MINPP1: variants seen among roughly 807,000 people sequenced by gnomAD.
MINPP1 encodes the protein multiple inositol-polyphosphate phosphatase 1, also known as multiple inositol polyphosphate phosphatase 1.
In MINPP1, 28 loss-of-function variants were observed where a neutral mutation model predicts 46.1. The ratio of observed to expected loss-of-function variants is 0.61; its 90% CI spans 0.45 to 0.83. The LOEUF is 0.83. Ranked by LOEUF, MINPP1 falls within the 40% of genes least tolerant of loss-of-function variation. The pLI, the probability that MINPP1 is intolerant of heterozygous loss-of-function variation, is 0.00. For synonymous variants in MINPP1, 268 were observed against 249.1 expected (o/e 1.08, Z -0.72); for missense variants, 603 against 610.0 (o/e 0.99, Z 0.12).
chr10:87,551,584 T>C (rs1851963250), intron 4 of MINPP1, among the ~76,000 whole-genome samples: 1 of 152,134 alleles, frequency 6.6e-6, no homozygotes, highest in Non-Finnish European at 1.5e-5. Context: ...CATTAAGGAT[T>C]ACATGAATTA....
intron 3 of MINPP1, among the ~76,000 whole-genome samples, chr10:87,518,608 T>A (rs1339467740): frequency 2.0e-5 from 3 of 151,966 alleles, no homozygotes; most frequent in African/African-American, 7.2e-5. Context: ...AGATTTGACA[T>A]TGTCTACCTG....
chr10:87,511,299 A>G (rs937848162), intron 2 of MINPP1, among the ~76,000 whole-genome samples: 3 of 152,274 alleles, frequency 2.0e-5, no homozygotes, highest in Non-Finnish European at 4.4e-5. Context: ...ACAGAAGTTT[A>G]CATCTTTTAC....
At chr10:87,530,971 C>T (rs1008443500) in intron 4 of MINPP1, among the ~76,000 whole-genome samples, 2 of 152,148 alleles carry the variant, frequency 1.3e-5, no homozygotes, top group Non-Finnish European at 1.5e-5. Context: ...TAGCAGTGAG[C>T]GAGGCTCTGT....
chr10:87,522,315 G>A (rs1851513526), intron 4 of MINPP1, among the ~76,000 whole-genome samples: 3 of 151,974 alleles, frequency 2.0e-5, no homozygotes, highest in African/African-American at 7.3e-5. Flanking sequence ...TCACTTCCCT[G>A]CATTGATGCG....
intron 4 of MINPP1, among the ~76,000 whole-genome samples, chr10:87,539,562 C>T (rs1851783819): frequency 6.6e-6 from 1 of 152,162 alleles, no homozygotes; most frequent in Admixed American, 6.5e-5. Context: ...AATTATCAGA[C>T]ATTTGTGGAA....
intron 4 of MINPP1, among the ~76,000 whole-genome samples, chr10:87,545,138 A>G (rs1361411269): frequency 1.3e-5 from 2 of 152,142 alleles, no homozygotes; most frequent in Non-Finnish European, 2.9e-5. Context: ...TTAGGGTTTC[A>G]GTTTTATGAA....
intron 4 of MINPP1, among the ~76,000 whole-genome samples, chr10:87,532,723 G>A (rs1423885894): frequency 6.6e-6 from 1 of 152,248 alleles, no homozygotes; most frequent in East Asian, 1.9e-4. Flanking sequence ...GACTAGTGCT[G>A]TGAGAAGCAC....
At chr10:87,533,419 G>T (rs1017904586) in intron 4 of MINPP1, among the ~76,000 whole-genome samples, 9 of 151,932 alleles carry the variant, frequency 5.9e-5, no homozygotes, top group Non-Finnish European at 1.2e-4. Flanking sequence ...AATTTAAGCA[G>T]ATATTTCTAT....
intron 1 of MINPP1, chr10:87,507,962 C>A: frequency 7.5e-7 from 1 of 1,341,190 alleles, no homozygotes; most frequent in Non-Finnish European, 9.5e-7. Context: ...AAAATAGATT[C>A]CATATGTTGA....
intron 1 of MINPP1, chr10:87,507,887 A>G: frequency 8.8e-7 from 1 of 1,136,050 alleles, no homozygotes. Flanking sequence ...TTGTAAAGTA[A>G]TACAGAGTTG....
intron 4 of MINPP1, among the ~76,000 whole-genome samples, chr10:87,534,399 T>C (rs1275812227): frequency 1.3e-5 from 2 of 152,178 alleles, no homozygotes; most frequent in East Asian, 3.8e-4. Flanking sequence ...AAAGTTTATA[T>C]AACTAGCCTG....
At position 87,545,449 on chromosome 10, in the gene MINPP1, G is replaced by T. The variant is rs574524481; in HGVS notation, c.1068-6633G>T. Among the ~76,000 whole-genome samples, 307 of 151,530 alleles carry T rather than the reference G, an allele frequency of 2.0e-3. 3 individuals are homozygous for T. Among genetic ancestry groups the T allele is most frequent in the African/African-American group, 6.7e-3 (278 of 41,298 alleles). On this transcript the variant is annotated intron_variant, in intron 4 of 4. Transcript: ENST00000371996. ...TTAGGTGATTATATGTTTTATACATGTTTGTGTTATACTTCACCAGTAGTG... is the reference window on the plus strand; with the variant it reads ...TTAGGTGATTATATGTTTTATACATTTTTGTGTTATACTTCACCAGTAGTG...
chr10:87,545,224 G>A (rs190415938), intron 4 of MINPP1, among the ~76,000 whole-genome samples: 1 of 152,016 alleles, frequency 6.6e-6, no homozygotes, highest in Admixed American at 6.6e-5. Flanking sequence ...AATTATTATG[G>A]CAGTTTTTTC....
intron 4 of MINPP1, among the ~76,000 whole-genome samples, chr10:87,548,695 C>T (rs1851922384): frequency 6.6e-6 from 1 of 151,892 alleles, no homozygotes; most frequent in Non-Finnish European, 1.5e-5. Context: ...GTATTATTCC[C>T]TATAGGCACA....
chr10:87,534,495 T>C (rs1235261954), intron 4 of MINPP1, among the ~76,000 whole-genome samples: 1 of 152,258 alleles, frequency 6.6e-6, no homozygotes, highest in Non-Finnish European at 1.5e-5. Context: ...GTCTACTAAG[T>C]AGTTATTCAT....
At chr10:87,521,229 T>C in intron 4 of MINPP1, 60 bp downstream of exon 4, 1 of 1,362,932 alleles carries the variant, frequency 7.3e-7, no homozygotes, top group African/African-American at 1.4e-5. Context: ...TTCTGGAAAT[T>C]TTTTTATAAT....
chr10:87,505,244 A>G lies in MINPP1; in HGVS notation c.329A>G (p.Gln110Arg). 6.2e-7 allele frequency: 1 copy of G among 1,612,476 alleles called. No homozygotes were observed. The highest frequency in any genetic ancestry group is 8.5e-7 in the Non-Finnish European group (1 of 1,179,108). Reference sequence around the variant, plus strand: ...CTGAGGCAGCTGCACGGGTTGCTGCAGGCCCGCGGGTCCAGGGATGGCGGG... The same window carrying G: ...CTGAGGCAGCTGCACGGGTTGCTGCGGGCCCGCGGGTCCAGGGATGGCGGG... The part of the protein sequence containing the change: ...RKLRQLHGLL[Q>R]ARGSRDGGAS... Residue 110 changes from glutamine (Q) to arginine (R), a missense_variant, in exon 1 of 5, where the codon CAG (glutamine) becomes CGG (arginine). Coordinates refer to ENST00000371996, the MANE Select transcript of MINPP1 (RefSeq NM_004897.5). The surrounding 1 kb of genome is among the most constrained non-coding windows in gnomAD (Gnocchi z 4.4).
intron 4 of MINPP1, among the ~76,000 whole-genome samples, chr10:87,535,883 CAT>C (rs1209254975): frequency 1.3e-5 from 2 of 152,272 alleles, no homozygotes; most frequent in East Asian, 1.9e-4. Flanking sequence ...GAGCCGTGAT[CAT>C]GCCACTGTAC....
chr10:87,524,947 TATTACTAAAATGTGATAC>T (rs60373710), intron 4 of MINPP1, among the ~76,000 whole-genome samples: 57,486 of 150,802 alleles, frequency 0.38, 11,833 homozygotes, highest in Non-Finnish European at 0.47. Context: ...AAATATTGTG[TATTACTAAAATGTGATAC>T]ATTACTAAAA....
Sources: allele counts gnomAD v4.1 joint callset (sites outside exome capture counted in the v4.1 genomes callset), GRCh38; gene constraint gnomAD v4.1.1; non-coding constraint Gnocchi (gnomAD v3.1); transcripts MANE v1.5; gene names NCBI Gene and HGNC (gene_info 2026-07-23, HGNC 2026-07-21).